Variants in CDKL4 observed in about 807,000 individuals in gnomAD.
CDKL4 encodes cyclin dependent kinase like 4.
Under a neutral mutation model 42.0 loss-of-function variants are expected in CDKL4, and 44 were observed. That is an observed-to-expected ratio of 1.05 (90% CI 0.82 to 1.35). CDKL4 has a LOEUF of 1.35. CDKL4 is among the 40% of genes most tolerant of loss of function. CDKL4 has a pLI of 0.00. For missense variants in CDKL4, 393 were observed against 369.9 expected (o/e 1.06, Z -0.51); for synonymous variants, 120 against 121.6 (o/e 0.99, Z 0.09).
chr2:39,201,758 T>C (rs1165187096), intron 5 of CDKL4, among the ~76,000 whole-genome samples: 1 of 152,150 alleles, frequency 6.6e-6, no homozygotes, highest in African/African-American at 2.4e-5. Context: ...CAAACATCTA[T>C]GTTCCAATAA....
intron 7 of CDKL4, 107 bp downstream of exon 7, chr2:39,187,520 T>C: frequency 1.3e-6 from 1 of 756,866 alleles, no homozygotes; most frequent in South Asian, 2.0e-5. Flanking sequence ...ACTCCAGCCT[T>C]GGTGACAGAG....
At chr2:39,196,866 CAA>C (rs754321397) in intron 5 of CDKL4, among the ~76,000 whole-genome samples, 9 of 152,284 alleles carry the variant, frequency 5.9e-5, no homozygotes, top group South Asian at 2.1e-4. Context: ...CTTGGCCTCC[CAA>C]AGTGTTGGGA....
intron 1 of CDKL4, among the ~76,000 whole-genome samples, chr2:39,240,480 G>T (rs1042514540): frequency 1.3e-5 from 2 of 150,652 alleles, no homozygotes; most frequent in African/African-American, 4.9e-5. Context: ...ATCTATCCAG[G>T]AAAAATTTTA....
At chr2:39,223,068 A>AT (rs1046389914) in intron 3 of CDKL4, among the ~76,000 whole-genome samples, 2 of 152,018 alleles carry the variant, frequency 1.3e-5, no homozygotes, top group African/African-American at 4.8e-5. Context: ...ATGTTATCTC[A>AT]TTTTTTCATA....
At chr2:39,214,561 C>A (rs753329400) in intron 3 of CDKL4, among the ~76,000 whole-genome samples, 4 of 152,170 alleles carry the variant, frequency 2.6e-5, no homozygotes, top group Non-Finnish European at 5.9e-5. Context: ...TACACAATTA[C>A]CTTCTTAAGG....
chr2:39,178,870 C>G, intron 9 of CDKL4: 1 of 1,475,106 alleles, frequency 6.8e-7, no homozygotes, highest in Admixed American at 2.6e-5. Context: ...CTGTTGGAAT[C>G]AGCATTTTAT....
intron 4 of CDKL4, among the ~76,000 whole-genome samples, chr2:39,208,886 C>T (rs1677388441): frequency 6.6e-6 from 1 of 151,824 alleles, no homozygotes; most frequent in Admixed American, 6.6e-5. Flanking sequence ...CTCTTTGAGC[C>T]TTAGGCATGG....
chr2:39,237,546 A>T (rs1679436371), intron 1 of CDKL4, among the ~76,000 whole-genome samples: 1 of 152,232 alleles, frequency 6.6e-6, no homozygotes, highest in Non-Finnish European at 1.5e-5. Flanking sequence ...AAGAAATTAA[A>T]GGCATATACA....
At position 39,204,558 on chromosome 2, in the gene CDKL4, C is replaced by G. The variant is rs150579239; in HGVS notation, c.423G>C (p.Lys141Asn). 4 of 1,609,674 alleles carry G rather than the reference C, an allele frequency of 2.5e-6. No homozygotes were observed. In the African/African-American group the frequency reaches 4.0e-5, roughly 16 times the overall value. The stretch of plus-strand genomic sequence containing the variant: ...TTTGTGCAAACCCGAAGTCACAAAT[C>G]TTGATTATTCCTTGCTTAGTTATTA... Residue 141 changes from lysine (K) to asparagine (N), a missense_variant, in exon 5 of 10, where the codon AAG becomes AAC. Transcript: ENST00000451199.
chr2:39,190,698 A>G (rs2708223), intron 5 of CDKL4, among the ~76,000 whole-genome samples, 196 bp from the exon 6 acceptor site: 138,231 of 152,178 alleles, frequency 0.91, 62,908 homozygotes, highest in Non-Finnish European at 0.94. Context: ...AGCACTTTAG[A>G]TAATTAACAT....
At position 39,184,654 on chromosome 2, in the gene CDKL4, A is replaced by C; in HGVS notation, c.736-7T>G. 1 of 1,603,894 alleles carries C rather than the reference A, an allele frequency of 6.2e-7. No homozygotes were observed. The highest frequency in any genetic ancestry group is 8.5e-7 in the Non-Finnish European group (1 of 1,172,700). The stretch of plus-strand genomic sequence containing the variant: ...ACTTTTCCTCAAGAGTTTCCTGAAA[A>C]ACAAGGTTAAAACATTCAATATTAC... On this transcript the variant is annotated splice_polypyrimidine_tract_variant and splice_region_variant and intron_variant, in intron 7 of 9. Coordinates refer to ENST00000451199, the Ensembl canonical transcript of CDKL4.
upstream of CDKL4, among the ~76,000 whole-genome samples, chr2:39,246,734 C>G (rs1382097823): frequency 6.6e-6 from 1 of 152,094 alleles, no homozygotes; most frequent in Admixed American, 6.5e-5. Context: ...CAGAATTAGG[C>G]ACAACCTCTT....
At position 39,211,139 on chromosome 2, in the gene CDKL4, G is replaced by A. The variant is rs187156638; in HGVS notation, c.363+2261C>T. On this transcript the variant is annotated intron_variant, in intron 4 of 9. Transcript: ENST00000451199. ...AAAGCTATCATTGGCTGAGTGCAGT[G>A]GTTCACACCTGTAATCCTGGCACTT... 3.3e-5 allele frequency among the ~76,000 whole-genome samples: 5 copies of A among 152,312 alleles called. No homozygotes were observed. In the East Asian group the frequency reaches 9.6e-4, roughly 29 times the overall value.
chr2:39,189,316 C>A (rs11689688), intron 6 of CDKL4, among the ~76,000 whole-genome samples: 111,332 of 152,128 alleles, frequency 0.73, 45,322 homozygotes, highest in Non-Finnish European at 0.91. Flanking sequence ...CGAAAGAAAC[C>A]CTTGCAGTCT....
chr2:39,216,259 G>C (rs1029245449), intron 3 of CDKL4, among the ~76,000 whole-genome samples: 2 of 152,154 alleles, frequency 1.3e-5, no homozygotes, highest in Non-Finnish European at 2.9e-5. Flanking sequence ...GATAAGGCCA[G>C]TCGATGGGAT....
At chr2:39,210,619 T>C (rs936950403) in intron 4 of CDKL4, among the ~76,000 whole-genome samples, 3 of 152,206 alleles carry the variant, frequency 2.0e-5, no homozygotes, top group African/African-American at 7.2e-5. Flanking sequence ...TTCAAGCTTA[T>C]AACCAAGTAC....
At chr2:39,222,382 G>A (rs1171992346) in intron 3 of CDKL4, among the ~76,000 whole-genome samples, 1 of 152,130 alleles carries the variant, frequency 6.6e-6, no homozygotes, top group Non-Finnish European at 1.5e-5. Flanking sequence ...CTGAGGTTAG[G>A]AGTTCGAGAG....
intron 9 of CDKL4, among the ~76,000 whole-genome samples, 166 bp from the exon 10 acceptor site, chr2:39,176,262 C>T (rs1403820799): frequency 6.6e-6 from 1 of 152,140 alleles, no homozygotes; most frequent in Non-Finnish European, 1.5e-5. Context: ...TTGAGATTCT[C>T]TGATACCTAA....
At chr2:39,198,159 T>C (rs1040161381) in intron 5 of CDKL4, among the ~76,000 whole-genome samples, 1 of 151,482 alleles carries the variant, frequency 6.6e-6, no homozygotes, top group East Asian at 1.9e-4. Context: ...TCCATGCCAG[T>C]GGACACCAAA....
Sources: gnomAD v4.1 joint callset for allele counts (sites outside exome capture counted in the v4.1 genomes callset) on GRCh38, gnomAD v4.1.1 for gene constraint, MANE v1.5 for transcripts, NCBI Gene and HGNC (gene_info 2026-07-23, HGNC 2026-07-21) for gene names.